The following IMMP2L variants were observed in gnomAD, a reference collection of about 807,000 sequenced individuals.
IMMP2L encodes the protein inner mitochondrial membrane peptidase subunit 2, also known as mitochondrial inner membrane protease subunit 2.
IMMP2L carries 18 observed loss-of-function variants against 19.3 expected under a neutral mutation model. That is an observed-to-expected ratio of 0.93 (90% CI 0.64 to 1.38). The LOEUF (loss-of-function observed/expected upper bound fraction) is 1.38. Among genes scored for constraint, IMMP2L ranks in the 40% most tolerant of loss-of-function variants. IMMP2L has a pLI of 0.00. For missense variants in IMMP2L, 233 were observed against 218.2 expected, an observed-to-expected ratio of 1.07 and a Z score of -0.43; for synonymous variants, 76 against 73.0, an observed-to-expected ratio of 1.04 and a Z score of -0.21.
intron 3 of IMMP2L, among the ~76,000 whole-genome samples, chr7:111,413,507 G>A (rs932347146): frequency 3.9e-5 from 6 of 151,938 alleles, no homozygotes; most frequent in Admixed American, 2.0e-4. Context: ...AATACATCAT[G>A]ATGAGGTTTG....
intron 3 of IMMP2L, among the ~76,000 whole-genome samples, chr7:111,010,521 AC>A (rs539588195): frequency 2.5e-3 from 382 of 152,234 alleles, no homozygotes; most frequent in Non-Finnish European, 3.8e-3. Flanking sequence ...TTCCATTAAA[AC>A]TATGGAGATT....
At chr7:111,162,637 G>GT (rs774805607) in intron 3 of IMMP2L, among the ~76,000 whole-genome samples, 6,986 of 142,064 alleles carry the variant, frequency 0.049, 266 homozygotes, top group African/African-American at 0.12. Flanking sequence ...TGAGCGAGTA[G>GT]TTTTTTTTTT....
intron 4 of IMMP2L, among the ~76,000 whole-genome samples, chr7:110,895,329 C>T (rs1213888553): frequency 2.0e-5 from 3 of 152,158 alleles, no homozygotes; most frequent in Non-Finnish European, 4.4e-5. Flanking sequence ...TGGGTGGGAA[C>T]ACAGCCAAAC....
intron 3 of IMMP2L, among the ~76,000 whole-genome samples, chr7:111,418,003 T>C (rs1433054088): frequency 1.3e-5 from 2 of 151,790 alleles, no homozygotes; most frequent in Non-Finnish European, 2.9e-5. Context: ...AAAGTCCAAT[T>C]TATCTTTCTA....
At chr7:110,926,845 C>A (rs1814910182) in intron 4 of IMMP2L, among the ~76,000 whole-genome samples, 1 of 151,952 alleles carries the variant, frequency 6.6e-6, no homozygotes, top group Non-Finnish European at 1.5e-5. Context: ...TTTATGAGAC[C>A]CATGAAAAAA....
Position 111,009,223 on chromosome 7 carries a change from A to G in IMMP2L, c.240-45658T>C, listed in dbSNP as rs147247533. Among the ~76,000 whole-genome samples the G allele has an allele frequency of 1.8e-3, 267 of 152,262 alleles. 1 individual carries two copies. The highest frequency in any genetic ancestry group is 5.3e-3 in the African/African-American group (219 of 41,574). ...TTGTTCTAGAAAAGATTTTGCCCAC[A>G]TCTAACTTCACTGTTGCAAACCATT... On this transcript the variant is annotated intron_variant, in intron 3 of 5. Transcript: ENST00000405709.
intron 5 of IMMP2L, chr7:110,724,368 T>G (rs1795760632): frequency 6.6e-6 from 1 of 152,146 alleles, no homozygotes; most frequent in Non-Finnish European, 1.5e-5. Context: ...AAAAGTAATG[T>G]CAGAGCCAAT....
At chr7:111,319,659 A>C in intron 3 of IMMP2L, among the ~76,000 whole-genome samples, 1 of 152,152 alleles carries the variant, frequency 6.6e-6, no homozygotes. Flanking sequence ...TTAATACAGA[A>C]GGCTATATTC....
intron 3 of IMMP2L, among the ~76,000 whole-genome samples, chr7:111,144,994 G>A (rs1295086907): frequency 1.3e-5 from 2 of 152,012 alleles, no homozygotes; most frequent in Non-Finnish European, 2.9e-5. Flanking sequence ...GTCTAACCTG[G>A]GAGAGTTGAG....
intron 5 of IMMP2L, among the ~76,000 whole-genome samples, chr7:110,746,487 A>G (rs562148394): frequency 1.3e-5 from 2 of 152,294 alleles, no homozygotes; most frequent in South Asian, 4.1e-4. Flanking sequence ...TTATTCTAAA[A>G]TTTACCGCAT....
At position 111,282,090 on chromosome 7, in the gene IMMP2L, T is replaced by C. The variant is rs371866164; in HGVS notation, c.239+205148A>G. ...ATATTTCAAGCATTGTGCTAGGTAG[T>C]GGACAAATAAACATTAATAAAACAT... On this transcript the variant is annotated intron_variant, in intron 3 of 5. Transcript: ENST00000405709. 8.5e-5 allele frequency among the ~76,000 whole-genome samples: 13 copies of C among 152,210 alleles called. No homozygotes were observed. In the East Asian group the frequency reaches 2.5e-3, roughly 29 times the overall value.
chr7:111,153,702 A>G (rs1804323097), intron 3 of IMMP2L, among the ~76,000 whole-genome samples: 1 of 152,062 alleles, frequency 6.6e-6, no homozygotes, highest in African/African-American at 2.4e-5. Context: ...AAAGGTACTC[A>G]CCTTTTAATG....
At chr7:111,129,557 A>G in intron 3 of IMMP2L, among the ~76,000 whole-genome samples, 1 of 152,096 alleles carries the variant, frequency 6.6e-6, no homozygotes, top group East Asian at 1.9e-4. Flanking sequence ...CTTTGCTTCT[A>G]TATATCATTT....
chr7:110,842,794 T>C (rs948231676), intron 5 of IMMP2L, among the ~76,000 whole-genome samples: 9 of 152,180 alleles, frequency 5.9e-5, no homozygotes, highest in African/African-American at 1.9e-4. Context: ...TAAGACTGAT[T>C]GGTTAGCAAT....
At chr7:111,481,470 AAACCGGGGAT>A (rs1465191735) in intron 3 of IMMP2L, among the ~76,000 whole-genome samples, 1 of 152,192 alleles carries the variant, frequency 6.6e-6, no homozygotes, top group Non-Finnish European at 1.5e-5. Context: ...CTCATCTATA[AAACCGGGGAT>A]AACAATACCT....
At chr7:110,744,261 A>C (rs781553523) in intron 5 of IMMP2L, among the ~76,000 whole-genome samples, 7 of 152,142 alleles carry the variant, frequency 4.6e-5, no homozygotes, top group Admixed American at 1.3e-4. Flanking sequence ...GGACTTATAG[A>C]TATAACCCCC....
chr7:110,815,208 C>T (rs991334734), intron 5 of IMMP2L, among the ~76,000 whole-genome samples: 1 of 152,058 alleles, frequency 6.6e-6, no homozygotes, highest in African/African-American at 2.4e-5. Context: ...GCCTTTTCTG[C>T]ATCTATTGAG....
At chr7:111,462,818 A>G (rs1840258594) in intron 3 of IMMP2L, among the ~76,000 whole-genome samples, 1 of 152,100 alleles carries the variant, frequency 6.6e-6, no homozygotes, top group African/African-American at 2.4e-5. Flanking sequence ...CATCTCCAAA[A>G]TCAGTATTTT....
chr7:111,496,538 A>G (rs1185613974), intron 2 of IMMP2L, among the ~76,000 whole-genome samples: 1 of 152,132 alleles, frequency 6.6e-6, no homozygotes, highest in Non-Finnish European at 1.5e-5. Flanking sequence ...GGCACCATGC[A>G]ATTAGTTGAG....
Sources: gnomAD v4.1 joint callset for allele counts (sites outside exome capture counted in the v4.1 genomes callset) on GRCh38, gnomAD v4.1.1 for gene constraint, MANE v1.5 for transcripts, NCBI Gene and HGNC (gene_info 2026-07-23, HGNC 2026-07-21) for gene names.